The following CENPW variants were observed in gnomAD, a reference collection of about 807,000 sequenced individuals.
The protein encoded by CENPW is centromere protein W.
Under a neutral mutation model 11.1 loss-of-function variants are expected in CENPW, and 3 were observed. The ratio of observed to expected loss-of-function variants is 0.27; its 90% CI spans 0.12 to 0.70. The LOEUF is 0.70. CENPW is among the 30% of genes least tolerant of loss of function. The pLI, the probability that CENPW is intolerant of heterozygous loss-of-function variation, is 0.77. For synonymous variants in CENPW, 38 were observed against 42.0 expected (o/e 0.91, Z 0.37); for missense variants, 100 against 105.6 (o/e 0.95, Z 0.23).
At chr6:126,464,994 A>G in the CENPW span, among the ~76,000 whole-genome samples, 2 of 152,126 alleles carry the variant, frequency 1.3e-5, no homozygotes, top group Non-Finnish European at 1.5e-5. Flanking sequence ...GTAATATTGT[A>G]CTGGAGGTTC....
At chr6:126,454,084 G>A in the CENPW span, among the ~76,000 whole-genome samples, 1 of 151,384 alleles carries the variant, frequency 6.6e-6, no homozygotes, top group African/African-American at 2.4e-5. Flanking sequence ...AGCTCTTAGA[G>A]CCCTACAAAG....
At chr6:126,408,103 A>G in the CENPW span, among the ~76,000 whole-genome samples, 151 of 152,200 alleles carry the variant, frequency 9.9e-4, 2 homozygotes, top group Non-Finnish European at 1.5e-3. Context: ...CTATTTAGTA[A>G]ATGGTGCTGG....
the CENPW span, among the ~76,000 whole-genome samples, chr6:126,452,436 G>T: frequency 6.6e-6 from 1 of 150,946 alleles, no homozygotes; most frequent in East Asian, 2.0e-4. Flanking sequence ...ATATACAGGA[G>T]AACGTATTAG....
the CENPW span, among the ~76,000 whole-genome samples, chr6:126,373,508 TTC>T: frequency 4.1e-4 from 62 of 152,224 alleles, no homozygotes; most frequent in African/African-American, 1.5e-3. Context: ...CAGCAAGTAT[TTC>T]TCATGATTCT....
chr6:126,368,414 G>A, the CENPW span, among the ~76,000 whole-genome samples: 1 of 152,008 alleles, frequency 6.6e-6, no homozygotes, highest in Non-Finnish European at 1.5e-5. Context: ...CTGAGAAAAA[G>A]TTGTTCTGTA....
At chr6:126,387,541 G>A in the CENPW span, among the ~76,000 whole-genome samples, 1 of 151,876 alleles carries the variant, frequency 6.6e-6, no homozygotes, top group Non-Finnish European at 1.5e-5. Flanking sequence ...AGACAGAAAA[G>A]AAACACTTCC....
chr6:126,411,466 T>A, the CENPW span, among the ~76,000 whole-genome samples: 1 of 152,158 alleles, frequency 6.6e-6, no homozygotes, highest in African/African-American at 2.4e-5. Flanking sequence ...TACAGATGCT[T>A]GAAGTAGCTG....
the CENPW span, among the ~76,000 whole-genome samples, chr6:126,442,429 C>T: frequency 6.6e-6 from 1 of 151,382 alleles, no homozygotes. Flanking sequence ...AATAAACAGA[C>T]AACTCACAGA....
chr6:126,393,424 TA>T, the CENPW span, among the ~76,000 whole-genome samples: 1 of 151,734 alleles, frequency 6.6e-6, no homozygotes, highest in Non-Finnish European at 1.5e-5. Flanking sequence ...CTTATAGCTA[TA>T]AACCCCTCCC....
At chr6:126,465,678 G>C in the CENPW span, among the ~76,000 whole-genome samples, 1 of 152,020 alleles carries the variant, frequency 6.6e-6, no homozygotes, top group African/African-American at 2.4e-5. Context: ...GAAATTAGCT[G>C]ATGAAAAAAA....
chr6:126,389,856 A>G, the CENPW span, among the ~76,000 whole-genome samples: 2 of 151,900 alleles, frequency 1.3e-5, no homozygotes, highest in African/African-American at 4.8e-5. Flanking sequence ...GTGGAAAAGG[A>G]CTTTCAAATA....
chr6:126,357,159 C>G, the CENPW span, among the ~76,000 whole-genome samples: 1 of 146,950 alleles, frequency 6.8e-6, no homozygotes, highest in African/African-American at 2.5e-5. Flanking sequence ...TATGGCTAGC[C>G]AGTTATCCCA....
chr6:126,390,186 C>T, the CENPW span, among the ~76,000 whole-genome samples: 1 of 151,880 alleles, frequency 6.6e-6, no homozygotes, highest in African/African-American at 2.4e-5. Context: ...TCTACTGCAA[C>T]CCGCCTAAAA....
At chr6:126,413,431 T>C in the CENPW span, among the ~76,000 whole-genome samples, 1 of 152,216 alleles carries the variant, frequency 6.6e-6, no homozygotes, top group African/African-American at 2.4e-5. Flanking sequence ...TATGATGATA[T>C]ACTTAAAGTG....
the CENPW span, among the ~76,000 whole-genome samples, chr6:126,416,658 A>T: frequency 6.6e-6 from 1 of 152,148 alleles, no homozygotes; most frequent in South Asian, 2.1e-4. Flanking sequence ...GCCAATGTAG[A>T]GGTCAGGCCA....
At chr6:126,344,655 G>A (rs1293927938) in intron 1 of CENPW, among the ~76,000 whole-genome samples, 1 of 152,160 alleles carries the variant, frequency 6.6e-6, no homozygotes, top group Non-Finnish European at 1.5e-5. Context: ...AATCAATGAA[G>A]ATAGTGCATC....
At chr6:126,422,127 C>T in the CENPW span, among the ~76,000 whole-genome samples, 7 of 151,898 alleles carry the variant, frequency 4.6e-5, no homozygotes, top group South Asian at 2.1e-4. Context: ...CATGTGTGTA[C>T]GTGTGTATGC....
chr6:126,465,173 A>G, the CENPW span, among the ~76,000 whole-genome samples: 1 of 152,136 alleles, frequency 6.6e-6, no homozygotes, highest in Non-Finnish European at 1.5e-5. Flanking sequence ...CACAAAGTCA[A>G]TATACAAAAA....
chr6:126,368,663 G>C, the CENPW span, among the ~76,000 whole-genome samples: 1 of 141,830 alleles, frequency 7.1e-6, no homozygotes. Flanking sequence ...TTTTTTTTTT[G>C]AGTTGGAGTC....
Sources: gnomAD v4.1 joint callset for allele counts (sites outside exome capture counted in the v4.1 genomes callset) on GRCh38, gnomAD v4.1.1 for gene constraint, MANE v1.5 for transcripts, NCBI Gene and HGNC (gene_info 2026-07-23, HGNC 2026-07-21) for gene names.